The following ZNF679 variants were observed in gnomAD, a reference collection of about 807,000 sequenced individuals.
The protein encoded by ZNF679 is zinc finger protein 679.
In ZNF679, 10 loss-of-function variants were observed where a neutral mutation model predicts 13.4. That is an observed-to-expected ratio of 0.75 (90% CI 0.46 to 1.27). The LOEUF is 1.27. Among genes scored for constraint, ZNF679 ranks in the 50% most tolerant of loss-of-function variants. The pLI, the probability that ZNF679 is intolerant of heterozygous loss-of-function variation, is 0.00. For synonymous variants in ZNF679, 179 were observed against 162.5 expected, an observed-to-expected ratio of 1.10 and a Z score of -0.77; for missense variants, 525 against 477.8, an observed-to-expected ratio of 1.10 and a Z score of -0.92.
intron 1 of ZNF679, among the ~76,000 whole-genome samples, chr7:64,238,618 C>G (rs918269579): frequency 6.6e-6 from 1 of 152,158 alleles, no homozygotes; most frequent in African/African-American, 2.4e-5. Flanking sequence ...GAACACCTGA[C>G]CTCAAGTGAT....
At chr7:64,249,517 G>A (rs1448573956) in intron 2 of ZNF679, among the ~76,000 whole-genome samples, 6 of 152,142 alleles carry the variant, frequency 3.9e-5, no homozygotes, top group African/African-American at 1.4e-4. Flanking sequence ...TGTGGTCCCT[G>A]GGGTCCCTAG....
intron 4 of ZNF679, among the ~76,000 whole-genome samples, chr7:64,265,662 G>T (rs2115622434): frequency 6.6e-6 from 1 of 152,164 alleles, no homozygotes; most frequent in Non-Finnish European, 1.5e-5. Context: ...CTGTCTATAT[G>T]GCTCTTGGTA....
At chr7:64,230,401 C>T (rs537763252) in intron 1 of ZNF679, among the ~76,000 whole-genome samples, 109 of 151,896 alleles carry the variant, frequency 7.2e-4, no homozygotes, top group East Asian at 5.3e-3. Flanking sequence ...GGCGCGGTGG[C>T]GGGCGCCTGT....
intron 2 of ZNF679, among the ~76,000 whole-genome samples, chr7:64,256,452 A>T (rs1788005629): frequency 6.6e-6 from 1 of 152,190 alleles, no homozygotes; most frequent in Admixed American, 6.5e-5. Context: ...TTGCTGGGTC[A>T]AATGGTAATT....
In ZNF679 at chr7:64,260,914, G is replaced by A. The variant is rs921571359; in HGVS notation, c.247G>A (p.Val83Ile). The change falls in exon 4 of 5, where the codon GTA becomes ATA. Residue 83 changes from valine (V) to isoleucine (I), a missense_variant. Val to Ile is a conservative substitution (Grantham distance 29). Transcript: ENST00000421025. The stretch of plus-strand genomic sequence containing the variant: ...TTGGAATATAAAGAGAAATGAGATG[G>A]TAACCAAACACCCAGGTAAGTGAGA... ...EPWNIKRNEM[V>I]TKHPVMCSHF... 2.5e-6 allele frequency: 4 copies of A among 1,610,596 alleles called. No homozygotes were observed. In the African/African-American group the frequency reaches 5.4e-5, roughly 22 times the overall value.
chr7:64,242,100 C>G (rs905957499), intron 1 of ZNF679, among the ~76,000 whole-genome samples: 1 of 152,194 alleles, frequency 6.6e-6, no homozygotes, highest in East Asian at 1.9e-4. Flanking sequence ...GTAGGGGAGT[C>G]ACAGCCTCAC....
At chr7:64,229,080 T>C (rs946265059) in intron 1 of ZNF679, among the ~76,000 whole-genome samples, 2 of 152,170 alleles carry the variant, frequency 1.3e-5, no homozygotes, top group Non-Finnish European at 2.9e-5. Context: ...CCCGTTACCC[T>C]AAGCCCAGGC....
At chr7:64,230,074 A>G (rs1413083674) in intron 1 of ZNF679, among the ~76,000 whole-genome samples, 2 of 152,212 alleles carry the variant, frequency 1.3e-5, no homozygotes, top group Non-Finnish European at 2.9e-5. Flanking sequence ...GATATGTTAC[A>G]ATTCTTACTG....
chr7:64,236,910 GAA>G (rs1491251990), intron 1 of ZNF679, among the ~76,000 whole-genome samples: 29 of 110,118 alleles, frequency 2.6e-4, no homozygotes, highest in African/African-American at 9.3e-4. Flanking sequence ...AAGAAAAAAA[GAA>G]AGAAAGAAAG....
At chr7:64,243,397 T>C (rs1360706027) in intron 1 of ZNF679, among the ~76,000 whole-genome samples, 1 of 152,124 alleles carries the variant, frequency 6.6e-6, no homozygotes, top group East Asian at 1.9e-4. Context: ...AATTCACATC[T>C]GGGTGCTAGG....
chr7:64,258,630 G>A (rs919268400), intron 2 of ZNF679, among the ~76,000 whole-genome samples: 11 of 151,486 alleles, frequency 7.3e-5, no homozygotes, highest in Admixed American at 2.6e-4. Flanking sequence ...GAACCTAGGA[G>A]GTGGAGGTTA....
At chr7:64,232,656 G>A (rs1181154519) in intron 1 of ZNF679, among the ~76,000 whole-genome samples, 1 of 152,084 alleles carries the variant, frequency 6.6e-6, no homozygotes, top group Non-Finnish European at 1.5e-5. Context: ...AGGCAGAAAG[G>A]GAAAGTCATA....
At chr7:64,234,569 T>G (rs1164673952) in intron 1 of ZNF679, among the ~76,000 whole-genome samples, 1 of 152,150 alleles carries the variant, frequency 6.6e-6, no homozygotes, top group East Asian at 1.9e-4. Context: ...CAGAATGGGT[T>G]TAGAAATGGG....
At chr7:64,249,381 G>C (rs1787913347) in intron 2 of ZNF679, among the ~76,000 whole-genome samples, 1 of 152,122 alleles carries the variant, frequency 6.6e-6, no homozygotes. Flanking sequence ...GCTTTGCCCT[G>C]GACTGGAGCC....
At chr7:64,242,100 C>A (rs905957499) in intron 1 of ZNF679, among the ~76,000 whole-genome samples, 2 of 152,194 alleles carry the variant, frequency 1.3e-5, no homozygotes, top group African/African-American at 2.4e-5. Context: ...GTAGGGGAGT[C>A]ACAGCCTCAC....
rs761364448 is a variant in ZNF679 at position 64,249,075 on chromosome 7, C to T, written c.-43C>T. 3.1e-5 allele frequency: 50 copies of T among 1,613,502 alleles called. No homozygotes were observed. The highest frequency in any genetic ancestry group is 6.6e-5 in the South Asian group (6 of 91,040). On this transcript the variant is annotated 5_prime_UTR_variant, in exon 2 of 5. Transcript: ENST00000421025. ...GCTCTGCGTCCTCTGTTCCTAGAGG[C>T]CAAGCCACTGTGGCCTTGTGTTCTG...
chr7:64,236,933 G>A (rs1250775826), intron 1 of ZNF679, among the ~76,000 whole-genome samples: 4 of 32,256 alleles, frequency 1.2e-4, no homozygotes, highest in Non-Finnish European at 2.3e-4. Flanking sequence ...AAGAAAGAAA[G>A]AAAGAAAGAA....
chr7:64,230,740 A>G (rs1787627730), intron 1 of ZNF679, among the ~76,000 whole-genome samples: 1 of 152,188 alleles, frequency 6.6e-6, no homozygotes, highest in Admixed American at 6.5e-5. Flanking sequence ...CATTGGTCCC[A>G]ACACCAGGTA....
intron 1 of ZNF679, among the ~76,000 whole-genome samples, chr7:64,244,771 A>G (rs1397210526): frequency 6.6e-6 from 1 of 152,244 alleles, no homozygotes; most frequent in Non-Finnish European, 1.5e-5. Flanking sequence ...ACTGAGCTAC[A>G]GCACTGAGCA....
Sources: gnomAD v4.1 joint callset for allele counts (sites outside exome capture counted in the v4.1 genomes callset) on GRCh38, gnomAD v4.1.1 for gene constraint, MANE v1.5 for transcripts, NCBI Gene and HGNC (gene_info 2026-07-23, HGNC 2026-07-21) for gene names.